Variants in UGT1A9 observed in about 807,000 individuals in gnomAD.
UGT1A9 encodes UDP glucuronosyltransferase family 1 member A9.
UGT1A9 carries 35 observed loss-of-function variants against 45.0 expected under a neutral mutation model. That is an observed-to-expected ratio of 0.78 (90% CI 0.59 to 1.03). The LOEUF (loss-of-function observed/expected upper bound fraction) is 1.03. Among genes scored for constraint, UGT1A9 ranks in the 50% least tolerant of loss-of-function variants. The pLI, the probability that UGT1A9 is intolerant of heterozygous loss-of-function variation, is 0.00. For missense variants in UGT1A9, 687 were observed against 666.6 expected (o/e 1.03, Z -0.34); for synonymous variants, 278 against 250.6 (o/e 1.11, Z -1.03).
intron 4 of UGT1A9, among the ~76,000 whole-genome samples, 167 bp from the exon 5 acceptor site, chr2:233,772,095 A>T (rs35172078): frequency 0.012 from 1,767 of 152,322 alleles, 16 homozygotes; most frequent in Middle Eastern, 0.031. Context: ...CCCGGGCAAC[A>T]GGGCAAGACT....
intron 1 of UGT1A9, chr2:233,755,452 C>G (rs1440747230): frequency 1.3e-5 from 4 of 306,254 alleles, no homozygotes; most frequent in Non-Finnish European, 2.6e-5. Context: ...GCTCCTGGGA[C>G]TGGCCCTGCT....
chr2:233,730,518 T>C (rs1423750757), intron 1 of UGT1A9, among the ~76,000 whole-genome samples: 2 of 152,032 alleles, frequency 1.3e-5, no homozygotes, highest in African/African-American at 4.8e-5. Context: ...TCAGTGGAAG[T>C]GGGGCAATGA....
intron 1 of UGT1A9, among the ~76,000 whole-genome samples, chr2:233,751,154 C>A (rs1181996969): frequency 6.6e-6 from 1 of 151,950 alleles, no homozygotes; most frequent in Non-Finnish European, 1.5e-5. Flanking sequence ...CCACTTCTGG[C>A]ATCAGCATGA....
chr2:233,708,423 A>G (rs759407655), intron 1 of UGT1A9: 8 of 152,174 alleles, frequency 5.3e-5, no homozygotes, highest in Non-Finnish European at 1.0e-4. Flanking sequence ...ACCAGTGAAG[A>G]TAAGAACTGG....
chr2:233,759,108 C>T (rs1480612171), intron 1 of UGT1A9, among the ~76,000 whole-genome samples: 2 of 152,176 alleles, frequency 1.3e-5, no homozygotes, highest in African/African-American at 2.4e-5. Flanking sequence ...AGTTTGCAAA[C>T]CAGGGAGTTA....
intron 1 of UGT1A9, among the ~76,000 whole-genome samples, chr2:233,696,491 C>T (rs1208679803): frequency 6.6e-6 from 1 of 151,990 alleles, no homozygotes; most frequent in African/African-American, 2.4e-5. Flanking sequence ...GCAACTTTAC[C>T]GAATTTGCTT....
At chr2:233,711,959 T>C (rs999056036) in intron 1 of UGT1A9, among the ~76,000 whole-genome samples, 2 of 152,220 alleles carry the variant, frequency 1.3e-5, no homozygotes, top group African/African-American at 4.8e-5. Context: ...ATTCTCCATT[T>C]TGAAATTTGA....
chr2:233,768,921 A>G (rs1482131176), intron 4 of UGT1A9, among the ~76,000 whole-genome samples: 4 of 152,000 alleles, frequency 2.6e-5, no homozygotes, highest in Non-Finnish European at 2.9e-5. Context: ...GTTATTATTC[A>G]CTTTATAAAA....
At chr2:233,728,439 A>G (rs994532413) in intron 1 of UGT1A9, among the ~76,000 whole-genome samples, 1 of 152,136 alleles carries the variant, frequency 6.6e-6, no homozygotes, top group African/African-American at 2.4e-5. Context: ...CATGGTGTAT[A>G]TGGAGAATCC....
intron 1 of UGT1A9, among the ~76,000 whole-genome samples, chr2:233,717,089 A>C (rs570408978): frequency 1.1e-4 from 16 of 152,286 alleles, no homozygotes; most frequent in South Asian, 2.1e-4. Flanking sequence ...AAATCAGATG[A>C]CATCACTATC....
At chr2:233,724,300 C>T (rs1204740758) in intron 1 of UGT1A9, among the ~76,000 whole-genome samples, 3 of 143,888 alleles carry the variant, frequency 2.1e-5, no homozygotes, top group African/African-American at 5.1e-5. Flanking sequence ...GACCCCCCCA[C>T]CTCCCTCCCG....
chr2:233,682,749 T>C (rs372834137), intron 1 of UGT1A9: 136 of 1,613,808 alleles, frequency 8.4e-5, no homozygotes, highest in Non-Finnish European at 1.1e-4. Flanking sequence ...AATATGATCT[T>C]CATTGGTGGT....
intron 1 of UGT1A9, among the ~76,000 whole-genome samples, chr2:233,728,111 A>G (rs1242261758): frequency 6.6e-6 from 1 of 152,146 alleles, no homozygotes; most frequent in Non-Finnish European, 1.5e-5. Context: ...TTAATTCTCC[A>G]TCTTGAAATT....
At position 233,768,344 on chromosome 2, in the gene UGT1A9, C is replaced by T. The variant is rs114941320; in HGVS notation, c.1200C>T (p.Arg400=). 1 of 1,614,076 alleles carries T rather than the reference C, an allele frequency of 6.2e-7. No individual in the cohort carries two copies. The highest frequency in any genetic ancestry group is 2.2e-5 in the East Asian group (1 of 44,874). The change falls in exon 4 of 5, where the codon CGC becomes CGT. Residue 400 remains arginine (R), a synonymous_variant. Coordinates refer to ENST00000354728, the MANE Select transcript of UGT1A9 (RefSeq NM_021027.3). ...GTGATCAGATGGACAATGCAAAGCG[C>T]ATGGAGACTAAGGGAGCTGGAGTGA... is the stretch of plus-strand genomic sequence containing the variant. ...LFGDQMDNAK[R]METKGAGVTL...
chr2:233,700,600 C>G (rs1244417909), intron 1 of UGT1A9, among the ~76,000 whole-genome samples: 1 of 152,134 alleles, frequency 6.6e-6, no homozygotes, highest in African/African-American at 2.4e-5. Context: ...ATACAATTCA[C>G]TCTTTTTTTG....
chr2:233,747,263 T>C (rs1693601928), intron 1 of UGT1A9: 3 of 1,599,140 alleles, frequency 1.9e-6, no homozygotes, highest in East Asian at 2.2e-5. Context: ...ACAGGAGTGC[T>C]ACTCCTTCTC....
chr2:233,719,647 T>A, intron 1 of UGT1A9: 2 of 1,614,094 alleles, frequency 1.2e-6, no homozygotes, highest in South Asian at 2.2e-5. Flanking sequence ...ATGGTCTTCA[T>A]TGGGGGCATC....
chr2:233,702,619 T>A (rs1302188822), intron 1 of UGT1A9, among the ~76,000 whole-genome samples: 2 of 152,160 alleles, frequency 1.3e-5, no homozygotes, highest in Non-Finnish European at 2.9e-5. Flanking sequence ...CCCCACATTA[T>A]GAGATTGAGG....
rs2126067607 is a variant in UGT1A9 at position 233,772,789 on chromosome 2, G to C, written c.*230G>C. 2 of 1,234,682 alleles carry C rather than the reference G, an allele frequency of 1.6e-6. No homozygotes were observed. Among genetic ancestry groups the C allele is most frequent in the Middle Eastern group, 2.9e-4 (1 of 3,420 alleles). The allele number at this position is 1,234,682 out of a possible 1,614,324, so 76.5% of individuals were successfully genotyped here. On this transcript the variant is annotated 3_prime_UTR_variant, in exon 5 of 5. Transcript: ENST00000354728. Reference sequence around the variant, plus strand: ...CCCCTCTGGTGTCTTTGATCAGGATGACATGTGCCATTTTTCAGAGGACGT... The same window carrying C: ...CCCCTCTGGTGTCTTTGATCAGGATCACATGTGCCATTTTTCAGAGGACGT...
Sources: allele counts gnomAD v4.1 joint callset (sites outside exome capture counted in the v4.1 genomes callset), GRCh38; gene constraint gnomAD v4.1.1; transcripts MANE v1.5; gene names NCBI Gene and HGNC (gene_info 2026-07-23, HGNC 2026-07-21).